DHX29: variants seen among roughly 807,000 people sequenced by gnomAD.
DHX29 encodes the protein ATP-dependent RNA helicase DHX29.
DHX29 carries 79 observed loss-of-function variants against 167.9 expected under a neutral mutation model. That is an observed-to-expected ratio of 0.47 (90% CI 0.39 to 0.57). DHX29 has a LOEUF of 0.57. Ranked by LOEUF, DHX29 falls within the 20% of genes least tolerant of loss-of-function variation. The pLI is 0.00. For missense variants in DHX29, 1,347 were observed against 1,593.4 expected (o/e 0.85, Z 2.63); for synonymous variants, 530 against 546.0 (o/e 0.97, Z 0.41).
In DHX29 at chr5:55,297,389, T is replaced by A; in HGVS notation, c.271A>T (p.Asn91Tyr). ...LDKSILKVVI[N>Y]NKLEQRIIGV... ...ATAATTCTTTGCTCTAGTTTGTTAT[T>A]AATTACCACCTGTTGAGGCCAAAAA... Residue 91 changes from asparagine to tyrosine, a missense_variant, in exon 3 of 27, where the codon AAT (asparagine) becomes TAT (tyrosine). By Grantham distance (143) the Asn-to-Tyr change is moderately radical (BLOSUM62 -2). Transcript: ENST00000251636. The A allele has an allele frequency of 1.4e-6, 2 of 1,404,708 alleles. No individual in the cohort carries two copies. Among genetic ancestry groups the A allele is most frequent in the Non-Finnish European group, 2.0e-6 (2 of 994,100 alleles). 87.0% of individuals were successfully genotyped at this position (1,404,708 alleles called of 1,614,324 possible). A position where few individuals can be genotyped will look rare whatever the true frequency, so the allele number is the denominator to read the frequency against.
intron 23 of DHX29, among the ~76,000 whole-genome samples, chr5:55,264,107 C>T (rs1368965554): frequency 6.6e-6 from 1 of 151,380 alleles, no homozygotes. Flanking sequence ...CCAGCCTGGC[C>T]AACACAGTGA....
In DHX29 at chr5:55,285,839, A is replaced by G; in HGVS notation, c.1089T>C (p.Asp363=). ...GAGCAGTATAGTCAAAATTTCTTAC[A>G]TCATGAGGTTCTTTCTTTTTATCTA... The part of the protein sequence containing the change: ...EEKDKKKEPH[D]VRNFDYTARS... Residue 363 remains aspartate, a synonymous_variant, in exon 9 of 27, where the codon GAT becomes GAC. Coordinates refer to ENST00000251636, the MANE Select transcript of DHX29 (RefSeq NM_019030.4). 6.4e-7 allele frequency: 1 copy of G among 1,569,174 alleles called. No homozygotes were observed. The highest frequency in any genetic ancestry group is 8.7e-7 in the Non-Finnish European group (1 of 1,154,788).
chr5:55,266,960 G>A (rs1746606874), intron 23 of DHX29, among the ~76,000 whole-genome samples, 178 bp downstream of exon 23: 1 of 151,832 alleles, frequency 6.6e-6, no homozygotes, highest in African/African-American at 2.4e-5. Context: ...TTAAATCACT[G>A]TGTAATACGT....
chr5:55,262,173 T>C (rs1180005515), intron 24 of DHX29, among the ~76,000 whole-genome samples: 1 of 152,208 alleles, frequency 6.6e-6, no homozygotes, highest in Non-Finnish European at 1.5e-5. Flanking sequence ...CAAAAGGTTG[T>C]TTTCATTGTA....
chr5:55,265,670 T>TAAAATA (rs1746522393), intron 23 of DHX29, among the ~76,000 whole-genome samples: 1 of 143,482 alleles, frequency 7.0e-6, no homozygotes, highest in African/African-American at 2.5e-5. Flanking sequence ...GAACTAGCTG[T>TAAAATA]AAAAAAAAAA....
chr5:55,307,236 A>T, intron 1 of DHX29, 151 bp downstream of exon 1: 1 of 667,110 alleles, frequency 1.5e-6, no homozygotes, highest in African/African-American at 1.8e-5. Flanking sequence ...TTTTAATCTA[A>T]AACAAGGCCA....
chr5:55,257,223 A>G (rs1336489485), intron 26 of DHX29, among the ~76,000 whole-genome samples: 1 of 152,200 alleles, frequency 6.6e-6, no homozygotes, highest in African/African-American at 2.4e-5. Flanking sequence ...AGAACCTCAC[A>G]ACCACTCTTT....
Position 55,277,115 on chromosome 5 carries a change from A to G in DHX29, c.2277T>C (p.Tyr759=), listed in dbSNP as rs903704623. The change falls in exon 13 of 27, where the codon TAT becomes TAC. Residue 759 remains tyrosine (Y), a synonymous_variant. Coordinates refer to ENST00000251636, the MANE Select transcript of DHX29 (RefSeq NM_019030.4). ...TATAAAGAAAACTTACCTCAACAGG[A>G]TAACTTCTTCCTGAAATTCTGAGAA... The part of the protein sequence containing the change: ...CPILRISGRS[Y]PVEVFHLEDI... The G allele has an allele frequency of 1.2e-6, 2 of 1,608,952 alleles. No homozygotes were observed. The highest frequency in any genetic ancestry group is 1.7e-6 in the Non-Finnish European group (2 of 1,178,322).
At chr5:55,264,580 A>C (rs1177387245) in intron 23 of DHX29, among the ~76,000 whole-genome samples, 1 of 152,258 alleles carries the variant, frequency 6.6e-6, no homozygotes, top group East Asian at 1.9e-4. Flanking sequence ...GAAGCCATCA[A>C]AGATTGCTAA....
Position 55,294,138 on chromosome 5 carries a change from T to C in DHX29, c.659A>G (p.Lys220Arg). ...ATTTACTTCCATATTTTTTTCTTCC[T>C]TTTTTGGCTAGAAAGAGAAAACAAA... ...YEEDPKSKPKKEEKNMEVNMK... is the reference protein window; with the variant it reads ...YEEDPKSKPKREEKNMEVNMK... Residue 220 changes from lysine (K) to arginine (R), a missense_variant, in exon 6 of 27, where the codon AAG becomes AGG. Around this residue, in one of 3 missense-constraint regions of DHX29, gnomAD observed 405 missense variants for 416.8 expected, o/e 0.97. Transcript: ENST00000251636. 4.4e-6 allele frequency: 7 copies of C among 1,584,310 alleles called. No individual in the cohort carries two copies. Among genetic ancestry groups the C allele is most frequent in the Admixed American group, 1.8e-5 (1 of 55,842 alleles).
Position 55,307,375 on chromosome 5 carries a change from G to A in DHX29, c.187+12C>T, listed in dbSNP as rs1164679248. On this transcript the variant is annotated intron_variant, in intron 1 of 26. Coordinates refer to ENST00000251636, the MANE Select transcript of DHX29 (RefSeq NM_019030.4). ...CAGGGCAGACAGCCAGGGGCTGGGG[G>A]ACCTCTCGTACCTTGCTTGACACGG... 8.1e-6 allele frequency: 13 copies of A among 1,608,792 alleles called. No homozygotes were observed. The Middle Eastern group carries it at 6.6e-4, about 82-fold the overall frequency.
At chr5:55,305,213 G>T (rs1748801615) in intron 1 of DHX29, among the ~76,000 whole-genome samples, 1 of 152,196 alleles carries the variant, frequency 6.6e-6, no homozygotes, top group Non-Finnish European at 1.5e-5. Flanking sequence ...CAAAAAGAAT[G>T]ATTTAAACAA....
At chr5:55,294,209 C>T in intron 5 of DHX29, 64 bp from the exon 6 acceptor site, 1 of 1,454,592 alleles carries the variant, frequency 6.9e-7, no homozygotes, top group Non-Finnish European at 9.2e-7. Context: ...ACTATCTTGT[C>T]ACTGCTTTTA....
At chr5:55,273,588 T>G (rs575292687) in intron 16 of DHX29, among the ~76,000 whole-genome samples, 23 of 152,356 alleles carry the variant, frequency 1.5e-4, no homozygotes, top group African/African-American at 4.1e-4. Context: ...AGGATTAAAT[T>G]TTTTTAATGT....
At chr5:55,289,139 C>T in intron 8 of DHX29, 131 bp downstream of exon 8, 2 of 1,027,302 alleles carry the variant, frequency 1.9e-6, no homozygotes, top group East Asian at 3.0e-5. Context: ...TTCAAGACAG[C>T]TTATAAAGTG....
chr5:55,261,546 AAGG>A (rs1171999815), intron 24 of DHX29, 47 bp from the exon 25 acceptor site: 12 of 1,209,282 alleles, frequency 9.9e-6, no homozygotes, highest in Non-Finnish European at 1.4e-5. Flanking sequence ...ATAAAAATAG[AAGG>A]AGGTCATTTA....
chr5:55,277,106 C>G lies in DHX29; in HGVS notation c.2286G>C (p.Glu762Asp), dbSNP rs1747151313. Residue 762 changes from glutamate (E) to aspartate (D), a missense_variant and splice_region_variant, in exon 13 of 27, where the codon GAG becomes GAC. Around this residue, in one of 3 missense-constraint regions of DHX29, gnomAD observed 882 missense variants for 1,082.4 expected, o/e 0.81. Transcript: ENST00000251636. ...TACACACATTATAAAGAAAACTTAC[C>G]TCAACAGGATAACTTCTTCCTGAAA... ...LRISGRSYPV[E>D]VFHLEDIIEE... is the part of the protein sequence containing the mutation. 2 of 1,601,394 alleles carry G rather than the reference C, an allele frequency of 1.2e-6. No homozygotes were observed. Among genetic ancestry groups the G allele is most frequent in the African/African-American group, 2.7e-5 (2 of 74,188 alleles).
rs759528385 is a variant in DHX29, at chr5:55,274,923, A to G, written c.2515T>C (p.Tyr839His). 52 of 1,613,794 alleles carry G rather than the reference A, an allele frequency of 3.2e-5. No individual in the cohort carries two copies. The highest frequency in any genetic ancestry group is 3.3e-4 in the Middle Eastern group (2 of 6,078). Reference protein sequence around the residue: ...YSSRTQHAILYMNPHKINLDL... With the variant: ...YSSRTQHAILHMNPHKINLDL... The stretch of plus-strand genomic sequence containing the variant: ...AGGTTGATTTTATGAGGATTCATGT[A>G]TAGAATAGCATGCTGAGTGCGGCTG... The change falls in exon 15 of 27, where the codon TAC becomes CAC. Residue 839 changes from tyrosine (Y) to histidine (H), a missense_variant. Physicochemically the swap from Tyr to His is moderately conservative, Grantham distance 83 (BLOSUM62 2). This residue lies in a region of DHX29 where 882 missense variants were observed against 1,082.4 expected (regional missense o/e 0.81). Transcript: ENST00000251636.
chr5:55,290,667 A>G (rs1747996939), intron 6 of DHX29, among the ~76,000 whole-genome samples: 1 of 152,222 alleles, frequency 6.6e-6, no homozygotes, highest in African/African-American at 2.4e-5. Context: ...AACTTCCTTG[A>G]CATGTTAGTA....
Sources: gnomAD v4.1 joint callset for allele counts (sites outside exome capture counted in the v4.1 genomes callset) on GRCh38, gnomAD v4.1.1 for gene constraint, gnomAD v4.1.1 regional missense constraint, MANE v1.5 for transcripts, NCBI Gene and HGNC (gene_info 2026-07-23, HGNC 2026-07-21) for gene names.